NRAP: variants seen among roughly 807,000 people sequenced by gnomAD.
NRAP encodes the protein nebulin related anchoring protein, also known as nebulin-related-anchoring protein.
Under a neutral mutation model 225.9 loss-of-function variants are expected in NRAP, and 189 were observed. That is an observed-to-expected ratio of 0.84 (90% CI 0.74 to 0.94). The LOEUF is 0.94. NRAP is among the 40% of genes least tolerant of loss of function. The probability of loss-of-function intolerance (pLI) is 0.00; values close to 1 mark genes in which losing one functional copy is unlikely to be tolerated. For synonymous variants in NRAP, 769 were observed against 790.7 expected (o/e 0.97, Z 0.46); for missense variants, 2,176 against 2,168.7 (o/e 1.00, Z -0.07).
intron 14 of NRAP, among the ~76,000 whole-genome samples, chr10:113,639,456 CAAAGG>C (rs1457921860): frequency 6.6e-6 from 1 of 152,170 alleles, no homozygotes; most frequent in African/African-American, 2.4e-5. Context: ...CAAAGGAAAG[CAAAGG>C]AAAGTAGCAC....
rs574101079 is a variant in NRAP, at chr10:113,653,056, A to G, written c.466-17T>C. The G allele has an allele frequency of 2.5e-5, 35 of 1,423,356 alleles. No individual in the cohort carries two copies. Among genetic ancestry groups the G allele is most frequent in the African/African-American group, 4.6e-5 (3 of 64,634 alleles). The allele number at this position is 1,423,356 out of a possible 1,614,324, so 88.2% of individuals were successfully genotyped here. A position where few individuals can be genotyped will look rare whatever the true frequency, so the allele number is the denominator to read the frequency against. On this transcript the variant is annotated splice_polypyrimidine_tract_variant and intron_variant, in intron 5 of 41. Transcript: ENST00000359988. ...TGTATATTCCTGTTGGTCAGAACCA[A>G]TGTCAGCATGAGAACTGAGATGATA...
intron 29 of NRAP, among the ~76,000 whole-genome samples, chr10:113,613,635 G>A (rs993036017): frequency 1.3e-5 from 2 of 152,086 alleles, no homozygotes; most frequent in African/African-American, 4.8e-5. Context: ...CAGGGTCATT[G>A]CAAACTCAGA....
chr10:113,612,626 A>C (rs1847402280), intron 29 of NRAP, among the ~76,000 whole-genome samples, 195 bp from the exon 30 acceptor site: 1 of 152,134 alleles, frequency 6.6e-6, no homozygotes, highest in Admixed American at 6.5e-5. Flanking sequence ...TACCACCCCC[A>C]GCTCCTGGAG....
chr10:113,624,005 T>TCCAGCTGC (rs1398485827), intron 22 of NRAP, among the ~76,000 whole-genome samples: 8 of 152,148 alleles, frequency 5.3e-5, no homozygotes, highest in Admixed American at 1.3e-4. Flanking sequence ...CAGCAGCGGC[T>TCCAGCTGC]CCAGCTGCAC....
At chr10:113,646,667 C>G (rs1475384173) in intron 10 of NRAP, among the ~76,000 whole-genome samples, 4 of 152,320 alleles carry the variant, frequency 2.6e-5, no homozygotes, top group African/African-American at 7.2e-5. Flanking sequence ...CTCCTAACAC[C>G]CCACTCTGGC....
At chr10:113,655,308 TG>T (rs1364085020) in intron 4 of NRAP, among the ~76,000 whole-genome samples, 3 of 152,198 alleles carry the variant, frequency 2.0e-5, no homozygotes, top group Non-Finnish European at 4.4e-5. Flanking sequence ...CTAGCAACTT[TG>T]TTTTTTCATT....
chr10:113,653,402 A>G (rs1007411352), intron 5 of NRAP, among the ~76,000 whole-genome samples: 1 of 152,320 alleles, frequency 6.6e-6, no homozygotes, highest in Non-Finnish European at 1.5e-5. Context: ...ATTGGAAGTA[A>G]AATGTCTCTT....
chr10:113,612,090 C>T, intron 30 of NRAP, 144 bp downstream of exon 30: 1 of 637,428 alleles, frequency 1.6e-6, no homozygotes, highest in Admixed American at 2.9e-5. Flanking sequence ...TGTGCAGGAA[C>T]TCTCAGACTG....
chr10:113,595,413 C>CA (rs869219860), intron 38 of NRAP, among the ~76,000 whole-genome samples: 1 of 20,290 alleles, frequency 4.9e-5, no homozygotes, highest in South Asian at 1.4e-3. Context: ...TTTAGCTCAG[C>CA]CCATTACCAT....
rs879188414 is a variant in NRAP, at chr10:113,624,898, G to A, written c.2277C>T (p.Val759=). The A allele has an allele frequency of 1.1e-5, 17 of 1,613,992 alleles. No homozygotes were observed. The highest frequency in any genetic ancestry group is 1.4e-5 in the Non-Finnish European group (17 of 1,179,902). Residue 759 remains valine, a synonymous_variant, in exon 22 of 42, where the codon GTC becomes GTT. Coordinates refer to ENST00000359988, the MANE Select transcript of NRAP (RefSeq NM_198060.4). ...CGTCTTTGCTGATGGTATACTGATGGACAGACTGCTCATTTCCTGCCTTGT... is the reference window on the plus strand; with the variant it reads ...CGTCTTTGCTGATGGTATACTGATGAACAGACTGCTCATTTCCTGCCTTGT... ...VAYKAGNEQS[V]HQYTISKDEP...
intron 12 of NRAP, among the ~76,000 whole-genome samples, chr10:113,642,363 C>A (rs1849252530): frequency 6.6e-6 from 1 of 152,120 alleles, no homozygotes; most frequent in Non-Finnish European, 1.5e-5. Flanking sequence ...CTTACACAGT[C>A]CCTTGCAATT....
intron 39 of NRAP, 106 bp from the exon 40 acceptor site, chr10:113,590,995 G>T (rs1039693080): frequency 1.1e-6 from 1 of 928,776 alleles, no homozygotes; most frequent in Non-Finnish European, 1.6e-6. Context: ...GCTCAAGAGT[G>T]GGTTAGAGGC....
chr10:113,620,494 G>A, intron 25 of NRAP, 110 bp downstream of exon 25: 1 of 786,428 alleles, frequency 1.3e-6, no homozygotes. Context: ...GGCCTTTCAT[G>A]TGGCTTTGCC....
At chr10:113,614,376 A>T in intron 28 of NRAP, 80 bp from the exon 29 acceptor site, 1 of 1,019,498 alleles carries the variant, frequency 9.8e-7, no homozygotes. Flanking sequence ...TTGGGTGAAA[A>T]TGTTTTGTTC....
chr10:113,609,720 C>T (rs144787085), intron 31 of NRAP, among the ~76,000 whole-genome samples: 191 of 152,216 alleles, frequency 1.3e-3, no homozygotes, highest in African/African-American at 4.3e-3. Context: ...AGTGGAGGCT[C>T]AGAGAGGTGT....
At chr10:113,623,731 A>T (rs1045728714) in intron 22 of NRAP, 95 bp from the exon 23 acceptor site, 9 of 784,472 alleles carry the variant, frequency 1.1e-5, no homozygotes, top group Non-Finnish European at 2.0e-5. Flanking sequence ...ATTCTAGGAA[A>T]GCAATACTGA....
chr10:113,648,465 C>CTATATATATATATATA (rs1326507151), intron 9 of NRAP, among the ~76,000 whole-genome samples: 1 of 105,224 alleles, frequency 9.5e-6, no homozygotes, highest in Non-Finnish European at 2.0e-5. Context: ...CTCTCTCTCT[C>CTATATATATATATATA]TCTATATATA....
intron 3 of NRAP, among the ~76,000 whole-genome samples, chr10:113,659,535 G>T (rs1372636485): frequency 3.3e-5 from 5 of 152,264 alleles, no homozygotes; most frequent in African/African-American, 1.2e-4. Flanking sequence ...GGGAGGGTTT[G>T]CCTCCCCTAG....
rs752460783 is a variant in NRAP, at chr10:113,604,623, C to A, written c.4213G>T (p.Ala1405Ser). Residue 1405 changes from alanine (A) to serine (S), a missense_variant, in exon 35 of 42, where the codon GCC becomes TCC. Transcript: ENST00000359988. ...GCCACCCCTACCTCACTCTGCAGGGCATGGGCTTTCTTGGCCCAGGCCATC... is the reference window on the plus strand; with the variant it reads ...GCCACCCCTACCTCACTCTGCAGGGAATGGGCTTTCTTGGCCCAGGCCATC... ...LKMAWAKKAH[A>S]LQSELRYKSD... 10 of 1,613,576 alleles carry A rather than the reference C, an allele frequency of 6.2e-6. No individual in the cohort carries two copies. In the East Asian group the frequency reaches 2.2e-4, roughly 36 times the overall value.
Sources: allele counts gnomAD v4.1 joint callset (sites outside exome capture counted in the v4.1 genomes callset), GRCh38; gene constraint gnomAD v4.1.1; transcripts MANE v1.5; gene names NCBI Gene and HGNC (gene_info 2026-07-23, HGNC 2026-07-21).